Variants in PES1 observed in about 807,000 individuals in gnomAD.
The protein encoded by PES1 is pescadillo ribosomal biogenesis factor 1.
PES1 carries 31 observed loss-of-function variants against 77.1 expected under a neutral mutation model. That is an observed-to-expected ratio of 0.40 (90% CI 0.30 to 0.54). The LOEUF (loss-of-function observed/expected upper bound fraction) is 0.54. Among genes scored for constraint, PES1 ranks in the 20% least tolerant of loss-of-function variants. The probability of loss-of-function intolerance (pLI) is 0.45; values close to 1 mark genes in which losing one functional copy is unlikely to be tolerated. For missense variants in PES1, 658 were observed against 771.7 expected (o/e 0.85, Z 1.75); for synonymous variants, 282 against 303.0 (o/e 0.93, Z 0.72).
Position 30,581,082 on chromosome 22 carries a change from G to A in PES1, c.842C>T (p.Ala281Val). The change falls in exon 9 of 15, where the codon GCC becomes GTC. Residue 281 changes from alanine to valine, a missense_variant. By Grantham distance (64) the Ala-to-Val change is moderately conservative. Transcript: ENST00000354694. The part of the protein sequence containing the change: ...SCMEKLAALS[A>V]SLARVVVPAT... Reference sequence around the variant, plus strand: ...AGGCACCACCACGCGGGCCAGGCTGGCACTGAGGGCTGCCAGTTTCTACAG... The same window carrying A: ...AGGCACCACCACGCGGGCCAGGCTGACACTGAGGGCTGCCAGTTTCTACAG... 1 of 1,609,130 alleles carries A rather than the reference G, an allele frequency of 6.2e-7. No individual in the cohort carries two copies. Among genetic ancestry groups the A allele is most frequent in the Non-Finnish European group, 8.5e-7 (1 of 1,178,408 alleles).
intron 2 of PES1, chr22:30,604,125 G>T (rs1358313992): frequency 6.6e-6 from 1 of 152,192 alleles, no homozygotes; most frequent in Non-Finnish European, 1.5e-5. Context: ...GAAAAATGTG[G>T]AATGCTGAGT....
In PES1 at chr22:30,589,991, T is replaced by C. The variant is rs140004944; in HGVS notation, c.25-721A>G. On this transcript the variant is annotated intron_variant, in intron 1 of 14. Coordinates refer to ENST00000354694, the MANE Select transcript of PES1 (RefSeq NM_014303.4). ...AGATACTGCCCCTCAACCAATTTTG[T>C]TCCCTTGAGGGTGGTATTACCCTGG... is the stretch of plus-strand genomic sequence containing the variant. 2.2e-3 allele frequency among the ~76,000 whole-genome samples: 333 copies of C among 152,306 alleles called. 3 individuals are homozygous for C. The highest frequency in any genetic ancestry group is 7.8e-3 in the African/African-American group (324 of 41,570).
chr22:30,587,268 G>A lies in PES1; in HGVS notation c.368+18C>T. 1 of 1,549,686 alleles carries A rather than the reference G, an allele frequency of 6.5e-7. No homozygotes were observed. Among genetic ancestry groups the A allele is most frequent in the South Asian group, 1.1e-5 (1 of 89,768 alleles). On this transcript the variant is annotated intron_variant, in intron 4 of 14. Coordinates refer to ENST00000354694, the MANE Select transcript of PES1 (RefSeq NM_014303.4). The stretch of plus-strand genomic sequence containing the variant: ...GTAAATGAAGAAACAGCAGTGTCCT[G>A]AGGAAAGCCCGGCTCACCGTTCCTT...
chr22:30,581,295 C>T (rs753535877), intron 8 of PES1, 39 bp downstream of exon 8: 4 of 1,601,258 alleles, frequency 2.5e-6, no homozygotes, highest in Non-Finnish European at 3.4e-6. Context: ...GAGACCACTC[C>T]CTTGGGAGAT....
intron 2 of PES1, among the ~76,000 whole-genome samples, chr22:30,597,032 G>A (rs1159849861): frequency 3.3e-5 from 5 of 152,228 alleles, no homozygotes; most frequent in African/African-American, 1.2e-4. Context: ...GAGTGCGCCA[G>A]GTTCCCCAGC....
In PES1 at chr22:30,576,808, G is replaced by A; in HGVS notation, c.*238C>T. The A allele has an allele frequency of 1.8e-6, 1 of 562,444 alleles. No homozygotes were observed. Among genetic ancestry groups the A allele is most frequent in the Non-Finnish European group, 3.2e-6 (1 of 314,942 alleles). 34.8% of individuals were successfully genotyped at this position (562,444 alleles called of 1,614,324 possible). A position where few individuals can be genotyped will look rare whatever the true frequency, so the allele number is the denominator to read the frequency against. On this transcript the variant is annotated 3_prime_UTR_variant, in exon 15 of 15. Transcript: ENST00000354694. ...CACCTCATGTCACTGGCTCCTGGGA[G>A]CAGAGAATCAGGCTGGGCACAGAGG... is the stretch of plus-strand genomic sequence containing the variant.
chr22:30,606,170 C>T lies in PES1; in HGVS notation c.-718+639G>A, dbSNP rs569103934. 2.6e-4 allele frequency among the ~76,000 whole-genome samples: 40 copies of T among 152,168 alleles called. No homozygotes were observed. The South Asian group carries it at 7.1e-3, about 27-fold the overall frequency. Reference sequence around the variant, plus strand: ...AGAGATTTTTTTTGAGGTTACTTTCCGAGTTCTGGCAAGTACCCCTGCTTC... The same window carrying T: ...AGAGATTTTTTTTGAGGTTACTTTCTGAGTTCTGGCAAGTACCCCTGCTTC... On this transcript the variant is annotated intron_variant, in intron 1 of 16. Coordinates refer to the PES1 transcript ENST00000402281.
rs773199904 is a variant in PES1, at chr22:30,601,773, A to C, written c.-661+3688T>G. On this transcript the variant is annotated intron_variant, in intron 2 of 16. Coordinates refer to the PES1 transcript ENST00000402281. ...TTAGCAGTTACAAATAAAGTTATGA[A>C]CTTTTTTTTTTTTTTTCCAGACACA... The C allele has an allele frequency of 2.7e-5, 4 of 147,992 alleles. No homozygotes were observed. In the East Asian group the frequency reaches 6.0e-4, roughly 22 times the overall value. 9.2% of individuals were successfully genotyped at this position (147,992 alleles called of 1,614,324 possible).
chr22:30,605,355 T>C (rs1039158203), intron 2 of PES1: 3 of 510,414 alleles, frequency 5.9e-6, no homozygotes, highest in Admixed American at 6.4e-5. Context: ...CCTCTAGCAC[T>C]GAGTCCAGGT....
chr22:30,600,196 TGGTGGCACAAGCCTATA>T (rs2087333626), intron 2 of PES1, among the ~76,000 whole-genome samples: 1 of 151,986 alleles, frequency 6.6e-6, no homozygotes, highest in Non-Finnish European at 1.5e-5. Flanking sequence ...TAGCCAGGTG[TGGTGGCACAAGCCTATA>T]GTCCCAGCTA....
chr22:30,579,977 C>T (rs1431674319), intron 11 of PES1, 42 bp from the exon 12 acceptor site: 3 of 1,611,706 alleles, frequency 1.9e-6, no homozygotes, highest in African/African-American at 2.7e-5. Flanking sequence ...CAGAGGGCAA[C>T]TCAGGGTCCT....
At chr22:30,587,946 G>T in intron 3 of PES1, 75 bp downstream of exon 3, 1 of 1,476,628 alleles carries the variant, frequency 6.8e-7, no homozygotes, top group Non-Finnish European at 9.4e-7. Flanking sequence ...TAGGCAATCT[G>T]CCCAAGGTCA....
chr22:30,598,776 T>C (rs1416092921), intron 2 of PES1, among the ~76,000 whole-genome samples: 2 of 152,058 alleles, frequency 1.3e-5, no homozygotes, highest in African/African-American at 2.4e-5. Context: ...TAGATGTGTT[T>C]ACATATGTTG....
intron 2 of PES1, 64 bp downstream of exon 2, chr22:30,589,127 G>T (rs1310174091): frequency 2.1e-5 from 26 of 1,210,546 alleles, no homozygotes; most frequent in Non-Finnish European, 2.9e-5. Flanking sequence ...GTAAGACAGG[G>T]ATGCAGCTGA....
At chr22:30,582,406 C>T (rs1321926678) in intron 6 of PES1, among the ~76,000 whole-genome samples, 1 of 152,208 alleles carries the variant, frequency 6.6e-6, no homozygotes, top group African/African-American at 2.4e-5. Flanking sequence ...GCAGACAAAA[C>T]TACTTTTTGC....
chr22:30,592,150 A>C, upstream of PES1: 1 of 1,163,072 alleles, frequency 8.6e-7, no homozygotes, highest in Non-Finnish European at 1.1e-6. Context: ...CGATTCATTG[A>C]CTGTGAGCCT....
rs1398012165 is a variant in PES1, at chr22:30,580,580, A to C, written c.1034T>G (p.Phe345Cys). 1.9e-6 allele frequency: 3 copies of C among 1,613,776 alleles called. No individual in the cohort carries two copies. The highest frequency in any genetic ancestry group is 2.5e-6 in the Non-Finnish European group (3 of 1,180,008). Residue 345 changes from phenylalanine to cysteine, a missense_variant, in exon 10 of 15, where the codon TTC becomes TGC. Coordinates refer to ENST00000354694, the MANE Select transcript of PES1 (RefSeq NM_014303.4). ...CCTTGAGCCTCCCTACCTGATGATG[A>C]AGGCCAGGGCCTCACGGGGCACCTC... ...NREVPREALA[F>C]IIRSFGGEVS...
At chr22:30,593,063 GGC>G (rs1468579326), upstream of PES1, among the ~76,000 whole-genome samples, 2 of 151,834 alleles carry the variant, frequency 1.3e-5, no homozygotes, top group Non-Finnish European at 2.9e-5. Flanking sequence ...AATGTGACCT[GGC>G]CCAAGGACTT....
intron 14 of PES1, 112 bp from the exon 15 acceptor site, chr22:30,577,241 A>G: frequency 2.2e-6 from 2 of 897,900 alleles, no homozygotes; most frequent in Non-Finnish European, 1.8e-6. Context: ...AAGGTCACAA[A>G]TTCTCACAGG....
Sources: gnomAD v4.1 joint callset for allele counts (sites outside exome capture counted in the v4.1 genomes callset) on GRCh38, gnomAD v4.1.1 for gene constraint, MANE v1.5 for transcripts, NCBI Gene and HGNC (gene_info 2026-07-23, HGNC 2026-07-21) for gene names.